The following TLR1 variants were observed in gnomAD, a reference collection of about 807,000 sequenced individuals.
TLR1 encodes toll-like receptor 1.
Under a neutral mutation model 20.2 loss-of-function variants are expected in TLR1, and 19 were observed. The ratio of observed to expected loss-of-function variants is 0.94; its 90% CI spans 0.66 to 1.38. TLR1 has a LOEUF of 1.38. TLR1 is among the 40% of genes most tolerant of loss of function. The pLI, the probability that TLR1 is intolerant of heterozygous loss-of-function variation, is 0.00. For missense variants in TLR1, 921 were observed against 910.0 expected, an observed-to-expected ratio of 1.01 and a Z score of -0.16; for synonymous variants, 320 against 334.5, an observed-to-expected ratio of 0.96 and a Z score of 0.47.
At position 38,796,994 on chromosome 4, in the gene TLR1, A is replaced by G; in HGVS notation, c.1838T>C (p.Val613Ala). 1.2e-6 allele frequency: 2 copies of G among 1,614,220 alleles called. No individual in the cohort carries two copies. The highest frequency in any genetic ancestry group is 1.7e-6 in the Non-Finnish European group (2 of 1,180,046). ...GCGCCGGGTCTGGGTCCACTGGCAC[A>G]CCATCCTGAGATACCAGGGCAGATC... ...YLDLPWYLRMVCQWTQTRRRA... is the reference protein window; with the variant it reads ...YLDLPWYLRMACQWTQTRRRA... Residue 613 changes from valine (V) to alanine (A), a missense_variant, in exon 4 of 4, where the codon GTG (valine) becomes GCG (alanine). Transcript: ENST00000308979.
In TLR1 at chr4:38,796,964, G is replaced by T. The variant is rs1488787922; in HGVS notation, c.1868C>A (p.Ala623Asp). The T allele has an allele frequency of 6.2e-7, 1 of 1,614,118 alleles. No individual in the cohort carries two copies. Among genetic ancestry groups the T allele is most frequent in the African/African-American group, 1.3e-5 (1 of 75,032 alleles). ...GAGTTCTTCTAAGGGTATGTTCCTG[G>T]CCCTGCGCCGGGTCTGGGTCCACTG... ...VCQWTQTRRR[A>D]RNIPLEELQR... Residue 623 changes from alanine (A) to aspartate (D), a missense_variant, in exon 4 of 4, where the codon GCC becomes GAC. By Grantham distance (126) the Ala-to-Asp change is moderately radical. Coordinates refer to ENST00000308979, the MANE Select transcript of TLR1 (RefSeq NM_003263.4).
chr4:38,787,926 A>T (rs1187598921), downstream of TLR1, among the ~76,000 whole-genome samples: 2 of 152,068 alleles, frequency 1.3e-5, no homozygotes, highest in African/African-American at 4.8e-5. Context: ...TCATTTTCCC[A>T]TGTGCTACCC....
At chr4:38,804,050 A>T (rs1339246444) in intron 2 of TLR1, among the ~76,000 whole-genome samples, 1 of 152,238 alleles carries the variant, frequency 6.6e-6, no homozygotes, top group African/African-American at 2.4e-5. Context: ...CCAAATAGCT[A>T]TTAACCAAAG....
At chr4:38,791,603 GTC>G (rs1725724754), downstream of TLR1, among the ~76,000 whole-genome samples, 1 of 151,856 alleles carries the variant, frequency 6.6e-6, no homozygotes, top group African/African-American at 2.4e-5. Context: ...TGTAACTTTT[GTC>G]TCTTTTCTGA....
downstream of TLR1, among the ~76,000 whole-genome samples, chr4:38,792,334 A>G (rs2109336083): frequency 6.6e-6 from 1 of 152,292 alleles, no homozygotes; most frequent in East Asian, 1.9e-4. Context: ...AAAGTATAAA[A>G]ACAAAAACAA....
Position 38,797,275 on chromosome 4 carries a change from T to C in TLR1, c.1557A>G (p.Ile519Met), listed in dbSNP as rs1461974917. The C allele has an allele frequency of 3.7e-6, 6 of 1,614,118 alleles. No homozygotes were observed. The highest frequency in any genetic ancestry group is 5.1e-6 in the Non-Finnish European group (6 of 1,180,040). The part of the protein sequence containing the change: ...FFQSCQKMRS[I>M]KAGDNPFQCT... ...ATTGGAATGGATTGTCCCCTGCTTT[T>C]ATTGACCTCATCTTCTGGCAGCTCT... The change falls in exon 4 of 4, where the codon ATA becomes ATG. Residue 519 changes from isoleucine (I) to methionine (M), a missense_variant. Ile to Met is a conservative substitution (Grantham distance 10). Transcript: ENST00000308979.
chr4:38,798,885 T>A lies in TLR1; in HGVS notation c.-54A>T. The A allele has an allele frequency of 7.9e-7, 1 of 1,265,418 alleles. No homozygotes were observed. Among genetic ancestry groups the A allele is most frequent in the Non-Finnish European group, 1.1e-6 (1 of 921,056 alleles). The allele number at this position is 1,265,418 out of a possible 1,614,324, so 78.4% of individuals were successfully genotyped here. A position where few individuals can be genotyped will look rare whatever the true frequency, so the allele number is the denominator to read the frequency against. The stretch of plus-strand genomic sequence containing the variant: ...GAAGCTGTTCTTCAGATCATCTTGA[T>A]ACAGATACAGATTCTAGAAAAAAAA... On this transcript the variant is annotated 5_prime_UTR_variant, in exon 4 of 4. Coordinates refer to ENST00000308979, the MANE Select transcript of TLR1 (RefSeq NM_003263.4).
chr4:38,797,019 C>A lies in TLR1; in HGVS notation c.1813G>T (p.Asp605Tyr), dbSNP rs151036585. 848 of 1,614,152 alleles carry A rather than the reference C, an allele frequency of 5.3e-4. No homozygotes were observed. The highest frequency in any genetic ancestry group is 6.2e-4 in the Non-Finnish European group (730 of 1,180,038). ...VTVTSLCSYL[D>Y]LPWYLRMVCQ... is the part of the protein sequence containing the mutation. ...ACCATCCTGAGATACCAGGGCAGAT[C>A]CAAGTAGCTGCAGAGGGAGGTCACA... Residue 605 changes from aspartate to tyrosine, a missense_variant, in exon 4 of 4, where the codon GAT (aspartate) becomes TAT (tyrosine). Physicochemically the swap from Asp to Tyr is radical, Grantham distance 160. Coordinates refer to ENST00000308979, the MANE Select transcript of TLR1 (RefSeq NM_003263.4).
At chr4:38,789,101 C>T (rs1306141451), downstream of TLR1, among the ~76,000 whole-genome samples, 2 of 152,030 alleles carry the variant, frequency 1.3e-5, no homozygotes, top group Non-Finnish European at 2.9e-5. Context: ...GTATATTTAC[C>T]ATCATTATGT....
Position 38,798,732 on chromosome 4 carries a change from T to C in TLR1, c.100A>G (p.Asn34Asp). ...TCTTTAGGAACGTGGATGAGACCGTTTTTTGACCTATCAACTAAAAATTCA... is the reference window on the plus strand; with the variant it reads ...TCTTTAGGAACGTGGATGAGACCGTCTTTTGACCTATCAACTAAAAATTCA... ...ESEFLVDRSK[N>D]GLIHVPKDLS... Residue 34 changes from asparagine (N) to aspartate (D), a missense_variant, in exon 4 of 4, where the codon AAC becomes GAC. Coordinates refer to ENST00000308979, the MANE Select transcript of TLR1 (RefSeq NM_003263.4). 6.2e-7 allele frequency: 1 copy of C among 1,613,368 alleles called. No homozygotes were observed. The highest frequency in any genetic ancestry group is 8.5e-7 in the Non-Finnish European group (1 of 1,179,884).
downstream of TLR1, among the ~76,000 whole-genome samples, chr4:38,792,074 T>C (rs1007589426): frequency 1.3e-5 from 2 of 152,220 alleles, no homozygotes; most frequent in Non-Finnish European, 2.9e-5. Context: ...GTACCAGTAT[T>C]ATGCCCATTT....
chr4:38,789,784 G>T (rs1725675628), downstream of TLR1, among the ~76,000 whole-genome samples: 1 of 152,148 alleles, frequency 6.6e-6, no homozygotes, highest in South Asian at 2.1e-4. Flanking sequence ...CTTTTTAAAA[G>T]AGCAATATTT....
intron 3 of TLR1, chr4:38,791,234 G>T (rs539318110): frequency 1.3e-5 from 2 of 152,318 alleles, no homozygotes; most frequent in South Asian, 2.1e-4. Flanking sequence ...CTGTTTTCCT[G>T]TAAACACAGG....
downstream of TLR1, among the ~76,000 whole-genome samples, chr4:38,790,242 T>C (rs531130470): frequency 6.6e-6 from 1 of 152,336 alleles, no homozygotes; most frequent in East Asian, 1.9e-4. Context: ...TTTTATCTGT[T>C]ATAGTGGAAT....
intron 2 of TLR1, among the ~76,000 whole-genome samples, chr4:38,801,489 G>A (rs561909522): frequency 6.6e-6 from 1 of 152,278 alleles, no homozygotes; most frequent in South Asian, 2.1e-4. Context: ...AATACCCTGG[G>A]GCAGTGCCAA....
At chr4:38,795,175 G>A (rs776619144), downstream of TLR1, among the ~76,000 whole-genome samples, 37 of 151,820 alleles carry the variant, frequency 2.4e-4, no homozygotes, top group African/African-American at 7.8e-4. Flanking sequence ...TTCCCATCCC[G>A]TAGTGTTATC....
chr4:38,793,089 T>C (rs1163541848), downstream of TLR1, among the ~76,000 whole-genome samples: 1 of 151,582 alleles, frequency 6.6e-6, no homozygotes, highest in African/African-American at 2.4e-5. Flanking sequence ...CTGAGAGGAG[T>C]TATACATTAG....
chr4:38,792,853 T>TTTTATATATA (rs150259151), downstream of TLR1, among the ~76,000 whole-genome samples: 46 of 122,250 alleles, frequency 3.8e-4, no homozygotes, highest in African/African-American at 1.3e-3. Context: ...TATTTTCAAA[T>TTTTATATATA]TATATATATA....
chr4:38,796,000 C>T (rs1008400975), downstream of TLR1, among the ~76,000 whole-genome samples: 2 of 152,112 alleles, frequency 1.3e-5, no homozygotes, highest in African/African-American at 2.4e-5. Flanking sequence ...GGGGAGGAAC[C>T]TTCAGGCATA....
Sources: allele counts gnomAD v4.1 joint callset (sites outside exome capture counted in the v4.1 genomes callset), GRCh38; gene constraint gnomAD v4.1.1; transcripts MANE v1.5; gene names NCBI Gene and HGNC (gene_info 2026-07-23, HGNC 2026-07-21).